Variants in TLE4 observed in about 807,000 individuals in gnomAD.
TLE4 encodes transducin-like enhancer protein 4.
Under a neutral mutation model 92.8 loss-of-function variants are expected in TLE4, and 8 were observed. The observed-to-expected ratio is 0.09, with a 90% CI of 0.05 to 0.16. TLE4 has a LOEUF of 0.16. Among genes scored for constraint, TLE4 ranks in the 10% least tolerant of loss-of-function variants. The pLI is 1.00. For synonymous variants in TLE4, 371 were observed against 374.1 expected (o/e 0.99, Z 0.10); for missense variants, 675 against 997.6 (o/e 0.68, Z 4.36).
chr9:79,610,949 G>A (rs1475670218), intron 4 of TLE4, among the ~76,000 whole-genome samples: 1 of 151,312 alleles, frequency 6.6e-6, no homozygotes, highest in African/African-American at 2.4e-5. Context: ...ACAACATAAT[G>A]ACGAAAATAT....
chr9:79,695,179 C>A (rs1015937785), intron 8 of TLE4, among the ~76,000 whole-genome samples: 37 of 152,118 alleles, frequency 2.4e-4, no homozygotes. Context: ...GGGCACTGAC[C>A]TTGGGGGAGG....
chr9:79,704,730 C>T (rs2071020725), intron 8 of TLE4, 53 bp from the exon 9 acceptor site: 12 of 1,576,310 alleles, frequency 7.6e-6, no homozygotes, highest in South Asian at 2.3e-5. Flanking sequence ...AAAAATCACT[C>T]GGCTAAATAG....
chr9:79,687,367 T>C (rs2066095155), intron 8 of TLE4, among the ~76,000 whole-genome samples: 1 of 152,204 alleles, frequency 6.6e-6, no homozygotes, highest in Non-Finnish European at 1.5e-5. Flanking sequence ...GGTGGCCCCA[T>C]GGGTGCCAGA....
chr9:79,574,633 C>G (rs1225735143), intron 2 of TLE4, among the ~76,000 whole-genome samples: 2 of 151,792 alleles, frequency 1.3e-5, no homozygotes, highest in African/African-American at 4.8e-5. Flanking sequence ...GATTTGTTTC[C>G]TTAAAACTTA....
intron 8 of TLE4, among the ~76,000 whole-genome samples, chr9:79,694,396 G>A (rs1305707004): frequency 6.6e-6 from 1 of 152,182 alleles, no homozygotes; most frequent in Non-Finnish European, 1.5e-5. Flanking sequence ...TTAGACCAGA[G>A]TAATTTTGGC....
Position 79,725,272 on chromosome 9 carries a change from A to G in TLE4, c.*128A>G. 1.6e-6 allele frequency: 1 copy of G among 631,478 alleles called. No homozygotes were observed. The highest frequency in any genetic ancestry group is 2.8e-6 in the Non-Finnish European group (1 of 361,254). 39.1% of individuals were successfully genotyped at this position (631,478 alleles called of 1,614,324 possible). A position where few individuals can be genotyped will look rare whatever the true frequency, so the allele number is the denominator to read the frequency against. On this transcript the variant is annotated 3_prime_UTR_variant, in exon 20 of 20. Transcript: ENST00000376552. The stretch of plus-strand genomic sequence containing the variant: ...ATACTCATTGCAGTTGTGGAGTTTA[A>G]TCCCCTTTCTTAACCTCACTTCCCA...
intron 14 of TLE4, among the ~76,000 whole-genome samples, chr9:79,709,985 TC>T (rs1390766569): frequency 6.6e-6 from 1 of 152,230 alleles, no homozygotes; most frequent in East Asian, 1.9e-4. Flanking sequence ...AATTCTTTGT[TC>T]CAAAAGTCTG....
intron 6 of TLE4, among the ~76,000 whole-genome samples, chr9:79,648,017 A>G (rs1207216770): frequency 1.3e-5 from 2 of 152,046 alleles, no homozygotes; most frequent in African/African-American, 4.8e-5. Flanking sequence ...GCTGAGCCCT[A>G]GGAGTTTAGA....
At chr9:79,580,268 G>A (rs1250209525) in intron 4 of TLE4, 1 of 152,130 alleles carries the variant, frequency 6.6e-6, no homozygotes, top group Non-Finnish European at 1.5e-5. Flanking sequence ...TAAAAGGCTC[G>A]GCATGGTACA....
intron 4 of TLE4, among the ~76,000 whole-genome samples, chr9:79,582,383 C>G (rs923361163): frequency 6.6e-6 from 1 of 152,084 alleles, no homozygotes; most frequent in Non-Finnish European, 1.5e-5. Context: ...GTATATATCA[C>G]TTTGATCTGT....
At chr9:79,578,886 A>G (rs2038799849) in intron 4 of TLE4, among the ~76,000 whole-genome samples, 1 of 151,700 alleles carries the variant, frequency 6.6e-6, no homozygotes, top group Non-Finnish European at 1.5e-5. Context: ...TGGAACATAA[A>G]ATATGAATCT....
intron 4 of TLE4, among the ~76,000 whole-genome samples, chr9:79,599,944 T>A (rs866095416): frequency 1.3e-5 from 2 of 152,218 alleles, no homozygotes; most frequent in Non-Finnish European, 2.9e-5. Flanking sequence ...TCTGTCTCCC[T>A]CCACCTATGA....
At chr9:79,624,179 A>G (rs1201015786) in intron 5 of TLE4, among the ~76,000 whole-genome samples, 239 of 3,760 alleles carry the variant, frequency 0.064, 2 homozygotes, top group African/African-American at 0.1. Flanking sequence ...CGAAAATGGA[A>G]AAAAAAAAAA....
chr9:79,712,642 A>G (rs1045966931), intron 14 of TLE4, among the ~76,000 whole-genome samples: 6 of 152,250 alleles, frequency 3.9e-5, no homozygotes, highest in Admixed American at 2.6e-4. Context: ...CATGTTCCAA[A>G]TTAATAAAAT....
chr9:79,577,042 G>GC (rs2038050692), intron 4 of TLE4, among the ~76,000 whole-genome samples: 2 of 151,770 alleles, frequency 1.3e-5, no homozygotes, highest in Admixed American at 6.6e-5. Context: ...TATTTTTAGT[G>GC]ATCTCCTAGT....
intron 4 of TLE4, 71 bp from the exon 5 acceptor site, chr9:79,612,585 G>C: frequency 7.6e-7 from 1 of 1,319,984 alleles, no homozygotes; most frequent in Non-Finnish European, 1.1e-6. Context: ...ATATCATCCT[G>C]TTAATATTTG....
intron 6 of TLE4, among the ~76,000 whole-genome samples, chr9:79,634,074 A>G (rs550726566): frequency 1.6e-4 from 25 of 152,310 alleles, no homozygotes; most frequent in African/African-American, 6.0e-4. Context: ...AGTGAATAGC[A>G]AGAGTTATTT....
chr9:79,580,210 C>T (rs1474645764), intron 4 of TLE4: 2 of 152,204 alleles, frequency 1.3e-5, no homozygotes, highest in African/African-American at 4.8e-5. Flanking sequence ...GACAGCAAAT[C>T]AATCGGCATC....
At chr9:79,648,301 T>A (rs576823930) in intron 6 of TLE4, among the ~76,000 whole-genome samples, 1 of 152,298 alleles carries the variant, frequency 6.6e-6, no homozygotes, top group Non-Finnish European at 1.5e-5. Flanking sequence ...GGCCTGAGAC[T>A]GGTCTCTTCT....
Sources: allele counts gnomAD v4.1 joint callset (sites outside exome capture counted in the v4.1 genomes callset), GRCh38; gene constraint gnomAD v4.1.1; transcripts MANE v1.5; gene names NCBI Gene and HGNC (gene_info 2026-07-23, HGNC 2026-07-21).